The following CSMD2 variants were observed in gnomAD, a reference collection of about 807,000 sequenced individuals.
The protein encoded by CSMD2 is CUB and sushi domain-containing protein 2.
Under a neutral mutation model 398.5 loss-of-function variants are expected in CSMD2, and 130 were observed. That is an observed-to-expected ratio of 0.33 (90% confidence interval 0.28 to 0.38). The LOEUF is 0.38. Ranked by LOEUF, CSMD2 falls within the 10% of genes least tolerant of loss-of-function variation. The probability of loss-of-function intolerance (pLI) is 1.00; values close to 1 mark genes in which losing one functional copy is unlikely to be tolerated. For missense variants in CSMD2, 3,829 were observed against 4,764.9 expected (o/e 0.80, Z 5.78); for synonymous variants, 1,828 against 1,908.5 (o/e 0.96, Z 1.10).
At chr1:34,082,877 C>T (rs1472328066) in intron 2 of CSMD2, among the ~76,000 whole-genome samples, 2 of 151,974 alleles carry the variant, frequency 1.3e-5, no homozygotes, top group Admixed American at 6.6e-5. Context: ...GCAGCATGCT[C>T]GTTAAGAGTC....
At chr1:33,523,273 G>A (rs770541007) in intron 67 of CSMD2, 34 bp downstream of exon 67, 2 of 996,920 alleles carry the variant, frequency 2.0e-6, no homozygotes, top group Non-Finnish European at 3.2e-6. Context: ...AGTGATCTGG[G>A]AGTCAGGGGA....
chr1:33,747,247 C>T (rs930486708), intron 13 of CSMD2, among the ~76,000 whole-genome samples: 8 of 152,150 alleles, frequency 5.3e-5, no homozygotes, highest in African/African-American at 1.9e-4. Flanking sequence ...TTTATGTAAA[C>T]ATAGTTATAA....
At position 33,779,936 on chromosome 1, in the gene CSMD2, A is replaced by G. The variant is rs1652499110; in HGVS notation, c.1664-7185T>C. On this transcript the variant is annotated intron_variant, in intron 12 of 70. Transcript: ENST00000373381. ...GGAGGATGGAGGAGAGGATGGAAGG[A>G]AAGCAGCAGGAAAGGAGAAATGGAG... Among the ~76,000 whole-genome samples, 5 of 152,302 alleles carry G rather than the reference A, an allele frequency of 3.3e-5. No individual in the cohort carries two copies. The South Asian group carries it at 1.0e-3, about 32-fold the overall frequency.
intron 19 of CSMD2, among the ~76,000 whole-genome samples, chr1:33,721,077 G>A (rs897153695): frequency 3.3e-5 from 5 of 152,132 alleles, no homozygotes; most frequent in African/African-American, 1.2e-4. Flanking sequence ...AAGTGATCTG[G>A]TCATTCATCC....
chr1:33,576,113 G>A (rs912707951), intron 49 of CSMD2, among the ~76,000 whole-genome samples: 1 of 152,142 alleles, frequency 6.6e-6, no homozygotes, highest in Non-Finnish European at 1.5e-5. Context: ...GTTATGATGC[G>A]AGAATCTCAT....
rs534973463 is a variant in CSMD2, at chr1:33,978,942, C to T, written c.518-42988G>A. On this transcript the variant is annotated intron_variant, in intron 3 of 70. Coordinates refer to ENST00000373381, the MANE Select transcript of CSMD2 (RefSeq NM_001281956.2). ...TCTATTTTACAGAAGAGGAAACTGA[C>T]GCACAGAGAGTTAAGTAACTTGCCC... Among the ~76,000 whole-genome samples the T allele has an allele frequency of 8.1e-4, 124 of 152,264 alleles. 1 individual carries two copies. Among genetic ancestry groups the T allele is most frequent in the Non-Finnish European group, 1.5e-3 (101 of 68,020 alleles).
At chr1:33,692,830 G>T in intron 25 of CSMD2, 100 bp downstream of exon 25, 2 of 1,449,746 alleles carry the variant, frequency 1.4e-6, no homozygotes, top group South Asian at 1.2e-5. Flanking sequence ...CTCCAGGTGA[G>T]GCAGGCAGGC....
chr1:33,551,023 C>A (rs948730514), intron 55 of CSMD2, among the ~76,000 whole-genome samples: 2 of 152,188 alleles, frequency 1.3e-5, no homozygotes, highest in Non-Finnish European at 2.9e-5. Flanking sequence ...TTTATTGAGT[C>A]CCTGTCATGT....
chr1:34,165,065 G>C lies in CSMD2; in HGVS notation c.33C>G (p.Arg11=). Residue 11 remains arginine, a synonymous_variant, in exon 1 of 71, where the codon CGC becomes CGG. Coordinates refer to ENST00000373381, the MANE Select transcript of CSMD2 (RefSeq NM_001281956.2). MPRSRGRELG[R]CGCPAGRARG... ...GAGCCCTCCCCGCGGGGCAGCCGCA[G>C]CGCCCCAGCTCCCGTCCCCGCGAGC... The C allele has an allele frequency of 1.6e-6, 2 of 1,215,422 alleles. No individual in the cohort carries two copies. The allele number at this position is 1,215,422 out of a possible 1,614,324, so 75.3% of individuals were successfully genotyped here. A position where few individuals can be genotyped will look rare whatever the true frequency, so the allele number is the denominator to read the frequency against.
chr1:33,670,164 A>G (rs1458054024), intron 25 of CSMD2, among the ~76,000 whole-genome samples: 1 of 152,094 alleles, frequency 6.6e-6, no homozygotes, highest in Non-Finnish European at 1.5e-5. Flanking sequence ...TGTCCTCCCC[A>G]TCCCCTCAGT....
At chr1:33,889,651 C>G in intron 5 of CSMD2, among the ~76,000 whole-genome samples, 1 of 138,240 alleles carries the variant, frequency 7.2e-6, no homozygotes, top group East Asian at 1.9e-4. Flanking sequence ...AAAAATGAGG[C>G]TGACATATAT....
At chr1:34,013,575 C>A (rs1647669392) in intron 3 of CSMD2, among the ~76,000 whole-genome samples, 1 of 152,166 alleles carries the variant, frequency 6.6e-6, no homozygotes, top group Non-Finnish European at 1.5e-5. Flanking sequence ...CGGTACTGTT[C>A]TTGGTTCCCA....
intron 20 of CSMD2, among the ~76,000 whole-genome samples, chr1:33,715,000 G>T (rs1242045015): frequency 6.6e-6 from 1 of 152,096 alleles, no homozygotes; most frequent in Non-Finnish European, 1.5e-5. Context: ...GGAAGCACGG[G>T]GAGGCAGAGG....
Position 33,583,762 on chromosome 1 carries a change from T to C in CSMD2, c.7120A>G (p.Ser2374Gly). 1 of 1,614,214 alleles carries C rather than the reference T, an allele frequency of 6.2e-7. No homozygotes were observed. The highest frequency in any genetic ancestry group is 8.5e-7 in the Non-Finnish European group (1 of 1,180,040). ...GVILSQSYPG[S>G]YPQFQTCSWL... ...GAGCAGGTCTGGAACTGGGGATAGC[T>C]TCCAGGGTAGCTCTGGCTCAGGATC... Residue 2374 changes from serine (S) to glycine (G), a missense_variant, in exon 47 of 71, where the codon AGC (serine) becomes GGC (glycine). Physicochemically the swap from Ser to Gly is moderately conservative, Grantham distance 56. Coordinates refer to ENST00000373381, the MANE Select transcript of CSMD2 (RefSeq NM_001281956.2).
At chr1:33,745,943 T>TGAA (rs1647319678) in intron 13 of CSMD2, among the ~76,000 whole-genome samples, 1 of 152,270 alleles carries the variant, frequency 6.6e-6, no homozygotes, top group African/African-American at 2.4e-5. Flanking sequence ...CATTTAAAGA[T>TGAA]GAAGACACTG....
At chr1:33,579,773 G>C (rs568112461) in intron 48 of CSMD2, among the ~76,000 whole-genome samples, 7 of 151,844 alleles carry the variant, frequency 4.6e-5, no homozygotes, top group African/African-American at 1.4e-4. Flanking sequence ...CCACCTCCCA[G>C]GTTCAAGTGA....
intron 12 of CSMD2, among the ~76,000 whole-genome samples, chr1:33,779,032 C>G (rs1652360920): frequency 6.6e-6 from 1 of 152,146 alleles, no homozygotes; most frequent in African/African-American, 2.4e-5. Flanking sequence ...GCCTATGGTT[C>G]CCCTGGCTCT....
intron 10 of CSMD2, among the ~76,000 whole-genome samples, chr1:33,794,931 A>G (rs369951856): frequency 1.7e-3 from 191 of 110,968 alleles, no homozygotes; most frequent in South Asian, 3.1e-3. Context: ...TAGGTGAGGT[A>G]GGATGTGAGC....
chr1:34,144,805 C>T (rs1305196906), intron 1 of CSMD2, among the ~76,000 whole-genome samples: 1 of 152,188 alleles, frequency 6.6e-6, no homozygotes, highest in African/African-American at 2.4e-5. Context: ...TCCCAGACCC[C>T]TGTGGCTCTT....
Sources: allele counts gnomAD v4.1 joint callset (sites outside exome capture counted in the v4.1 genomes callset), GRCh38; gene constraint gnomAD v4.1.1; transcripts MANE v1.5; gene names NCBI Gene and HGNC (gene_info 2026-07-23, HGNC 2026-07-21).